Variants in LTA4H observed in about 807,000 individuals in gnomAD.
LTA4H encodes leukotriene A4 hydrolase, also known as leukotriene A-4 hydrolase.
A neutral mutation model predicts 89.8 loss-of-function variants in LTA4H; 59 were observed. The ratio of observed to expected loss-of-function variants is 0.66; its 90% confidence interval spans 0.53 to 0.82. The LOEUF (loss-of-function observed/expected upper bound fraction) is 0.82, where lower values mean the gene tolerates loss of function less well. Ranked by LOEUF, LTA4H falls within the 40% of genes least tolerant of loss-of-function variation. The pLI, the probability that LTA4H is intolerant of heterozygous loss-of-function variation, is 0.00. For synonymous variants in LTA4H, 227 were observed against 253.1 expected (o/e 0.90, Z 0.98); for missense variants, 617 against 727.0 (o/e 0.85, Z 1.74).
At chr12:96,006,647 G>C (rs976164628) in intron 15 of LTA4H, among the ~76,000 whole-genome samples, 2 of 152,176 alleles carry the variant, frequency 1.3e-5, no homozygotes, top group Non-Finnish European at 2.9e-5. Flanking sequence ...TGGGTAGGAA[G>C]AGTGGAAGAA....
rs1012224471 is a variant in LTA4H at position 96,022,094 on chromosome 12, C to G, written c.585+53G>C. 3 of 1,172,314 alleles carry G rather than the reference C, an allele frequency of 2.6e-6. No individual in the cohort carries two copies. The highest frequency in any genetic ancestry group is 3.8e-6 in the Non-Finnish European group (3 of 783,260). The allele number at this position is 1,172,314 out of a possible 1,614,324, so 72.6% of individuals were successfully genotyped here. ...ATTTTGCCCTCTGGATGTGTACAAG[C>G]TAACTGTAGTTTACCGCCAATGAAA... is the stretch of plus-strand genomic sequence containing the variant. On this transcript the variant is annotated intron_variant, in intron 5 of 18. Coordinates refer to ENST00000228740, the MANE Select transcript of LTA4H (RefSeq NM_000895.3). This position sits in a 1 kb window ranked among gnomAD's most constrained non-coding sequence, Gnocchi z 4.0.
chr12:96,013,342 A>G (rs897495445), intron 13 of LTA4H, 84 bp from the exon 14 acceptor site: 105 of 804,034 alleles, frequency 1.3e-4, no homozygotes, highest in Non-Finnish European at 2.2e-4. Context: ...CCTTAGATAT[A>G]TAATTTTGTC....
chr12:96,019,268 AG>A, intron 6 of LTA4H, 28 bp from the exon 7 acceptor site: 1 of 1,580,854 alleles, frequency 6.3e-7, no homozygotes, highest in Non-Finnish European at 8.6e-7. Context: ...TTAATAAAAA[AG>A]AAATTCATGG....
intron 15 of LTA4H, among the ~76,000 whole-genome samples, chr12:96,007,324 C>CA (rs1234227057): frequency 6.6e-6 from 1 of 152,052 alleles, no homozygotes; most frequent in Admixed American, 6.6e-5. Context: ...CAAAAACCTG[C>CA]AAATCTAAAC....
chr12:96,036,747 G>C (rs973106124), upstream of LTA4H, among the ~76,000 whole-genome samples: 3 of 152,218 alleles, frequency 2.0e-5, no homozygotes, highest in Admixed American at 1.3e-4. Flanking sequence ...GAAGAGGACA[G>C]TATGTTAGGC....
At position 96,003,915 on chromosome 12, in the gene LTA4H, A is replaced by C. The variant is rs1950150764; in HGVS notation, c.1536T>G (p.Pro512=). 1 of 1,602,304 alleles carries C rather than the reference A, an allele frequency of 6.2e-7. No homozygotes were observed. Among genetic ancestry groups the C allele is most frequent in the Non-Finnish European group, 8.5e-7 (1 of 1,172,606 alleles). Residue 512 remains proline, a synonymous_variant, in exon 17 of 19, where the codon CCT becomes CCG. Coordinates refer to ENST00000228740, the MANE Select transcript of LTA4H (RefSeq NM_000895.3). ...TTCGCTTTATGTGCCCCAATGGAAG[A>C]GGTGCCTAAGAGCAAAATAAAGAAG... ...EFLAQTLQRA[P]LPLGHIKRMQ...
chr12:96,021,033 AT>A, intron 6 of LTA4H, 51 bp downstream of exon 6: 1 of 1,456,828 alleles, frequency 6.9e-7, no homozygotes, highest in South Asian at 1.2e-5. Flanking sequence ...GAAGTTCAAG[AT>A]GCCTAAGTTT....
chr12:96,019,635 A>G (rs1258971927), intron 6 of LTA4H, among the ~76,000 whole-genome samples: 1 of 126,870 alleles, frequency 7.9e-6, no homozygotes, highest in Non-Finnish European at 1.5e-5. Context: ...TCTGTCACCC[A>G]GGCTGGAGTG....
intron 16 of LTA4H, 121 bp from the exon 17 acceptor site, chr12:96,004,041 C>A: frequency 4.3e-6 from 2 of 467,922 alleles, no homozygotes; most frequent in Admixed American, 4.1e-5. Flanking sequence ...AGAAATAAGT[C>A]AGATAAAAAT....
chr12:96,006,235 C>A (rs1950198549), intron 16 of LTA4H, 79 bp downstream of exon 16: 1 of 792,412 alleles, frequency 1.3e-6, no homozygotes, highest in Admixed American at 2.5e-5. Flanking sequence ...CATTAATAAT[C>A]TTTTGCCAAG....
chr12:96,013,666 T>C (rs1950336289), intron 13 of LTA4H, 84 bp downstream of exon 13: 1 of 741,084 alleles, frequency 1.3e-6, no homozygotes, highest in South Asian at 1.6e-5. Flanking sequence ...CCAATACTAC[T>C]ATTAGATAAT....
At chr12:96,041,165 ATAT>A (rs1477853652) in intron 1 of LTA4H, among the ~76,000 whole-genome samples, 4 of 152,138 alleles carry the variant, frequency 2.6e-5, no homozygotes, top group Non-Finnish European at 5.9e-5. Context: ...TATTCACAGT[ATAT>A]TATAATATTA....
chr12:96,017,260 T>TG, intron 9 of LTA4H, 146 bp from the exon 10 acceptor site: 1 of 648,806 alleles, frequency 1.5e-6, no homozygotes. Context: ...AAATCTTTAA[T>TG]TTAACCAAAG....
chr12:96,014,100 A>G (rs1328544382), intron 12 of LTA4H: 1 of 301,994 alleles, frequency 3.3e-6, no homozygotes, highest in Non-Finnish European at 6.0e-6. Flanking sequence ...AGGGGATAAC[A>G]CATGAAGACA....
intron 15 of LTA4H, among the ~76,000 whole-genome samples, chr12:96,007,602 A>C (rs1950223706): frequency 6.6e-6 from 1 of 152,222 alleles, no homozygotes; most frequent in South Asian, 2.1e-4. Context: ...TGAGAAATAA[A>C]ATACATAAGG....
intron 1 of LTA4H, among the ~76,000 whole-genome samples, chr12:96,034,269 T>C (rs371656891): frequency 1.1e-4 from 17 of 152,360 alleles, no homozygotes; most frequent in African/African-American, 4.1e-4. Context: ...TGGCTGTCTT[T>C]TCATGACCCT....
At chr12:96,034,774 GGGT>G (rs1010442136) in intron 1 of LTA4H, among the ~76,000 whole-genome samples, 2 of 152,224 alleles carry the variant, frequency 1.3e-5, no homozygotes, top group Non-Finnish European at 2.9e-5. Context: ...GGAGACGGAT[GGGT>G]GGTGCCCTGC....
chr12:96,030,001 T>G (rs767098597), intron 1 of LTA4H, among the ~76,000 whole-genome samples: 1 of 152,100 alleles, frequency 6.6e-6, no homozygotes, highest in Non-Finnish European at 1.5e-5. Context: ...CTACTTCTAC[T>G]TCTTCATTAA....
In LTA4H at chr12:96,030,947, A is replaced by G. The variant is rs76691693; in HGVS notation, c.160-1762T>C. 2.7e-3 allele frequency among the ~76,000 whole-genome samples: 415 copies of G among 152,308 alleles called. 1 individual carries two copies. Among genetic ancestry groups the G allele is most frequent in the South Asian group, 0.011 (52 of 4,822 alleles). On this transcript the variant is annotated intron_variant, in intron 1 of 18. Coordinates refer to ENST00000228740, the MANE Select transcript of LTA4H (RefSeq NM_000895.3). Reference sequence around the variant, plus strand: ...TCTGAATAGCTATTCAGAATAGCTAACTTGTTTTAAAAACTTGATTTGAGT... The same window carrying G: ...TCTGAATAGCTATTCAGAATAGCTAGCTTGTTTTAAAAACTTGATTTGAGT...
Sources: allele counts gnomAD v4.1 joint callset (sites outside exome capture counted in the v4.1 genomes callset), GRCh38; gene constraint gnomAD v4.1.1; non-coding constraint Gnocchi (gnomAD v3.1); transcripts MANE v1.5; gene names NCBI Gene and HGNC (gene_info 2026-07-23, HGNC 2026-07-21).